DISC1: variants seen among roughly 807,000 people sequenced by gnomAD.
DISC1 encodes the protein DISC1 scaffold protein.
A neutral mutation model predicts 84.5 loss-of-function variants in DISC1; 57 were observed. That is an observed-to-expected ratio of 0.67 (90% CI 0.55 to 0.84). DISC1 has a LOEUF of 0.84. Ranked by LOEUF, DISC1 falls within the 40% of genes least tolerant of loss-of-function variation. The pLI, the probability that DISC1 is intolerant of heterozygous loss-of-function variation, is 0.00. For missense variants in DISC1, 1,000 were observed against 1,057.8 expected, an observed-to-expected ratio of 0.95 and a Z score of 0.76; for synonymous variants, 411 against 415.2, an observed-to-expected ratio of 0.99 and a Z score of 0.12.
At chr1:231,821,850 A>G (rs934201533) in intron 9 of DISC1, among the ~76,000 whole-genome samples, 4 of 151,638 alleles carry the variant, frequency 2.6e-5, no homozygotes, top group Admixed American at 1.3e-4. Context: ...GGTAGCTGGG[A>G]TTATAGGCCA....
At chr1:231,779,963 A>G (rs1170174531) in intron 6 of DISC1, among the ~76,000 whole-genome samples, 1 of 152,104 alleles carries the variant, frequency 6.6e-6, no homozygotes, top group Non-Finnish European at 1.5e-5. Flanking sequence ...TTAGAATGGC[A>G]ACCTTGCAGG....
Position 231,954,568 on chromosome 1 carries a change from C to T in DISC1, c.1982-4260C>T, listed in dbSNP as rs1308784833. 2.0e-5 allele frequency among the ~76,000 whole-genome samples: 3 copies of T among 152,148 alleles called. No individual in the cohort carries two copies. The highest frequency in any genetic ancestry group is 1.9e-4 in the East Asian group (1 of 5,188). Reference sequence around the variant, plus strand: ...TGCAGTCCTCTGGTCTTGTTTGTTTCGTAGCATTTCATTTTGTATTCAGCA... The same window carrying T: ...TGCAGTCCTCTGGTCTTGTTTGTTTTGTAGCATTTCATTTTGTATTCAGCA... On this transcript the variant is annotated intron_variant, in intron 9 of 12. Coordinates refer to ENST00000439617, the MANE Select transcript of DISC1 (RefSeq NM_018662.3). This position sits in a 1 kb window ranked among gnomAD's most constrained non-coding sequence, Gnocchi z 4.8.
intron 10 of DISC1, among the ~76,000 whole-genome samples, chr1:231,975,625 A>T (rs190520089): frequency 5.9e-5 from 9 of 152,236 alleles, no homozygotes; most frequent in Non-Finnish European, 8.8e-5. Context: ...AAAATGCATA[A>T]AATACAAATG....
chr1:231,960,760 A>G (rs1476064202), intron 10 of DISC1, among the ~76,000 whole-genome samples: 2 of 152,194 alleles, frequency 1.3e-5, no homozygotes, highest in African/African-American at 4.8e-5. Context: ...GACACCAGCT[A>G]CCTGGAGACA....
intron 6 of DISC1, among the ~76,000 whole-genome samples, chr1:231,783,865 C>G (rs1376934539): frequency 3.9e-5 from 6 of 152,192 alleles, no homozygotes; most frequent in African/African-American, 1.4e-4. Context: ...AAGAAAAGAT[C>G]AGAAATCCTT....
rs138162074 is a variant in DISC1 at position 231,647,145 on chromosome 1, A to G, written c.67+20211A>G. On this transcript the variant is annotated intron_variant, in intron 1 of 12. Coordinates refer to ENST00000439617, the MANE Select transcript of DISC1 (RefSeq NM_018662.3). ...AGTTATTAAGTCCTTGCCCATGCCT[A>G]TGTCCTGAAAGGTATTGCCTAGGTT... 9.2e-3 allele frequency among the ~76,000 whole-genome samples: 1,406 copies of G among 152,326 alleles called. 22 individuals carry two copies. The highest frequency in any genetic ancestry group is 0.032 in the African/African-American group (1,328 of 41,562).
At chr1:231,983,733 A>G (rs1047843028) in intron 10 of DISC1, among the ~76,000 whole-genome samples, 2 of 152,022 alleles carry the variant, frequency 1.3e-5, no homozygotes, top group Non-Finnish European at 2.9e-5. Flanking sequence ...TGTGTCAGCT[A>G]GCAAAGAAAA....
At chr1:231,775,903 G>A (rs1395920050) in intron 6 of DISC1, among the ~76,000 whole-genome samples, 1 of 151,682 alleles carries the variant, frequency 6.6e-6, no homozygotes, top group African/African-American at 2.4e-5. Context: ...CCCATTCTCT[G>A]TAATGGGATT....
chr1:232,037,185 T>C lies in DISC1; in HGVS notation c.*354T>C, dbSNP rs1465413663. 6.2e-6 allele frequency: 1 copy of C among 160,204 alleles called. No individual in the cohort carries two copies. The highest frequency in any genetic ancestry group is 1.8e-4 in the East Asian group (1 of 5,594). The allele number at this position is 160,204 out of a possible 1,614,324, so 9.9% of individuals were successfully genotyped here. A position where few individuals can be genotyped will look rare whatever the true frequency, so the allele number is the denominator to read the frequency against. Reference sequence around the variant, plus strand: ...TCTGGAAAAATGTCTCTTTTTCCTGTGCCATTTGCCTTCTGCTGCAACGAA... The same window carrying C: ...TCTGGAAAAATGTCTCTTTTTCCTGCGCCATTTGCCTTCTGCTGCAACGAA... On this transcript the variant is annotated 3_prime_UTR_variant, in exon 13 of 13. Coordinates refer to ENST00000439617, the MANE Select transcript of DISC1 (RefSeq NM_018662.3).
chr1:231,940,392 GAC>G lies in DISC1; in HGVS notation c.1982-18433_1982-18432del, dbSNP rs1433567667. Among the ~76,000 whole-genome samples, 5 of 151,912 alleles carry G rather than the reference GAC, an allele frequency of 3.3e-5. No individual in the cohort carries two copies. The South Asian group carries it at 1.0e-3, about 32-fold the overall frequency. On this transcript the variant is annotated intron_variant, in intron 9 of 12. Coordinates refer to ENST00000439617, the MANE Select transcript of DISC1 (RefSeq NM_018662.3). ...CCAGGCACTCTCCCGAGCCAAGGGG[GAC>G]ACTTGTTCTGCCAGTGTTGATTTGC...
chr1:231,839,507 C>T (rs1195181797), intron 9 of DISC1, among the ~76,000 whole-genome samples: 1 of 152,032 alleles, frequency 6.6e-6, no homozygotes, highest in Admixed American at 6.6e-5. Flanking sequence ...GTGGACAGAG[C>T]CAAACCATGA....
chr1:231,836,945 G>T (rs752456496), intron 9 of DISC1, among the ~76,000 whole-genome samples: 3 of 152,120 alleles, frequency 2.0e-5, no homozygotes, highest in African/African-American at 2.4e-5. Context: ...TTGACCTGAT[G>T]CTGGGAAGGT....
At chr1:231,654,672 C>A (rs1336872621) in intron 1 of DISC1, among the ~76,000 whole-genome samples, 1 of 152,162 alleles carries the variant, frequency 6.6e-6, no homozygotes, top group Non-Finnish European at 1.5e-5. Flanking sequence ...CTACTTCCGA[C>A]TTTTTTTAGA....
chr1:231,871,851 C>T (rs2085489867), intron 9 of DISC1, among the ~76,000 whole-genome samples: 1 of 152,174 alleles, frequency 6.6e-6, no homozygotes, highest in Non-Finnish European at 1.5e-5. Flanking sequence ...CTGGCCAGAT[C>T]CTGCATGTGA....
At chr1:231,710,979 A>T (rs1355623931) in intron 3 of DISC1, among the ~76,000 whole-genome samples, 1 of 152,200 alleles carries the variant, frequency 6.6e-6, no homozygotes, top group African/African-American at 2.4e-5. Context: ...ATTTAGTTTG[A>T]CTATCTGTGG....
intron 9 of DISC1, among the ~76,000 whole-genome samples, chr1:231,920,767 A>G (rs1341894630): frequency 6.6e-6 from 1 of 152,162 alleles, no homozygotes; most frequent in Non-Finnish European, 1.5e-5. Flanking sequence ...AATATGTCCC[A>G]TGTAATTTTA....
intron 1 of DISC1, among the ~76,000 whole-genome samples, chr1:231,690,365 T>A (rs1039704773): frequency 6.6e-6 from 1 of 152,128 alleles, no homozygotes; most frequent in Non-Finnish European, 1.5e-5. Flanking sequence ...CTGGACTAGA[T>A]GGGTGGAACG....
chr1:231,773,047 G>A (rs560945687), intron 6 of DISC1, among the ~76,000 whole-genome samples: 27 of 152,270 alleles, frequency 1.8e-4, no homozygotes, highest in African/African-American at 6.3e-4. Context: ...TTCTCATTTT[G>A]CAACTGAGGA....
chr1:231,861,377 C>T (rs1364228653), intron 9 of DISC1, among the ~76,000 whole-genome samples: 2 of 151,390 alleles, frequency 1.3e-5, no homozygotes, highest in Admixed American at 6.6e-5. Context: ...CAATCCTCCC[C>T]CACCTTGGCC....
Sources: gnomAD v4.1 joint callset for allele counts (sites outside exome capture counted in the v4.1 genomes callset) on GRCh38, gnomAD v4.1.1 for gene constraint, Gnocchi (gnomAD v3.1) non-coding constraint, MANE v1.5 for transcripts, NCBI Gene and HGNC (gene_info 2026-07-23, HGNC 2026-07-21) for gene names.